The following PCDH15 variants were observed in gnomAD, a reference collection of about 807,000 sequenced individuals.
PCDH15 encodes the protein protocadherin-15.
In PCDH15, 129 loss-of-function variants were observed where a neutral mutation model predicts 178.5. The ratio of observed to expected loss-of-function variants is 0.72; its 90% CI spans 0.63 to 0.84. PCDH15 has a LOEUF of 0.84. Ranked by LOEUF, PCDH15 falls within the 40% of genes least tolerant of loss-of-function variation. PCDH15 has a pLI of 0.00. For synonymous variants in PCDH15, 800 were observed against 732.0 expected (o/e 1.09, Z -1.50); for missense variants, 2,230 against 2,099.9 (o/e 1.06, Z -1.21).
chr10:55,044,598 G>A (rs1425507295), intron 2 of PCDH15, among the ~76,000 whole-genome samples: 16 of 151,858 alleles, frequency 1.1e-4, no homozygotes, highest in South Asian at 2.1e-4. Flanking sequence ...TAAAAGGTTC[G>A]GTTCCCATGA....
At chr10:55,622,907 T>C (rs1837436738) in intron 2 of PCDH15, among the ~76,000 whole-genome samples, 1 of 152,154 alleles carries the variant, frequency 6.6e-6, no homozygotes, top group South Asian at 2.1e-4. Context: ...AGCTGTCTTC[T>C]AGTCTAATCC....
intron 2 of PCDH15, among the ~76,000 whole-genome samples, chr10:55,536,213 T>A (rs1296307712): frequency 2.0e-5 from 3 of 152,122 alleles, no homozygotes; most frequent in African/African-American, 7.2e-5. Context: ...AACTGATATG[T>A]GCCACTAATC....
chr10:54,075,231 G>T (rs963586045), intron 17 of PCDH15, among the ~76,000 whole-genome samples: 1 of 151,936 alleles, frequency 6.6e-6, no homozygotes, highest in Non-Finnish European at 1.5e-5. Flanking sequence ...CAAAAAAATA[G>T]CCAGGCATGG....
At chr10:54,108,319 A>C (rs2094953940) in intron 15 of PCDH15, among the ~76,000 whole-genome samples, 1 of 152,102 alleles carries the variant, frequency 6.6e-6, no homozygotes, top group Non-Finnish European at 1.5e-5. Context: ...GGATCTGTGC[A>C]CTTGAGAGAG....
At chr10:54,434,241 C>A (rs1417717186) in intron 3 of PCDH15, among the ~76,000 whole-genome samples, 1 of 126,018 alleles carries the variant, frequency 7.9e-6, no homozygotes, top group Non-Finnish European at 1.9e-5. Context: ...AGATTAATTA[C>A]TGAAGAAAAA....
At chr10:54,738,092 A>G (rs1290460386) in intron 1 of PCDH15, among the ~76,000 whole-genome samples, 1 of 152,092 alleles carries the variant, frequency 6.6e-6, no homozygotes, top group Non-Finnish European at 1.5e-5. Flanking sequence ...CTTGAGCCAC[A>G]TGATAGAAGT....
intron 15 of PCDH15, among the ~76,000 whole-genome samples, chr10:54,111,016 T>A (rs1482478327): frequency 6.6e-6 from 1 of 152,188 alleles, no homozygotes; most frequent in African/African-American, 2.4e-5. Context: ...GCAGGATCAG[T>A]TGAGTCTCCC....
chr10:54,496,741 A>T (rs1589717427), intron 3 of PCDH15, among the ~76,000 whole-genome samples: 1 of 152,232 alleles, frequency 6.6e-6, no homozygotes, highest in African/African-American at 2.4e-5. Flanking sequence ...GCCTCTCAAT[A>T]CTTCCCTTAT....
chr10:54,337,934 A>C (rs1941506214), intron 6 of PCDH15, among the ~76,000 whole-genome samples: 1 of 152,214 alleles, frequency 6.6e-6, no homozygotes, highest in Non-Finnish European at 1.5e-5. Flanking sequence ...CTGTATATCC[A>C]TGGTTTGAAA....
chr10:55,604,321 C>T (rs1163039468), intron 2 of PCDH15, among the ~76,000 whole-genome samples: 1 of 138,578 alleles, frequency 7.2e-6, no homozygotes, highest in African/African-American at 2.7e-5. Flanking sequence ...CCACTGTCAA[C>T]ATTAGACAGA....
chr10:54,521,816 G>A (rs1005683004), intron 3 of PCDH15, among the ~76,000 whole-genome samples: 7 of 152,008 alleles, frequency 4.6e-5, no homozygotes, highest in African/African-American at 9.7e-5. Context: ...TTGGCCGGGC[G>A]TGGTGGCTCA....
At chr10:54,406,204 C>G (rs1373100898) in intron 3 of PCDH15, among the ~76,000 whole-genome samples, 3 of 151,752 alleles carry the variant, frequency 2.0e-5, no homozygotes, top group African/African-American at 7.3e-5. Flanking sequence ...TTTCAGTATT[C>G]GTGAGCTATG....
Position 54,139,659 on chromosome 10 carries a change from AAAG to A in PCDH15, c.1785-6655_1785-6653del, listed in dbSNP as rs199901521. Among the ~76,000 whole-genome samples the A allele has an allele frequency of 5.8e-3, 888 of 152,270 alleles. 8 individuals carry two copies. Among genetic ancestry groups the A allele is most frequent in the African/African-American group, 0.02 (840 of 41,568 alleles). On this transcript the variant is annotated intron_variant, in intron 14 of 37. Transcript: ENST00000644397. ...AAAATTTAAGGCTACTAAGAATTCT[AAAG>A]AAGATGTGTTTTTATTGAGAAAACG... is the stretch of plus-strand genomic sequence containing the variant.
chr10:55,237,727 T>A (rs944484219), intron 1 of PCDH15, among the ~76,000 whole-genome samples: 2 of 152,126 alleles, frequency 1.3e-5, no homozygotes, highest in African/African-American at 2.4e-5. Flanking sequence ...CTTATTTTTT[T>A]CCTCTGAAAT....
intron 3 of PCDH15, among the ~76,000 whole-genome samples, chr10:54,380,640 C>CATGTATATATAT (rs1270867254): frequency 0.014 from 104 of 7,666 alleles, 9 homozygotes; most frequent in African/African-American, 0.044. Flanking sequence ...TGTGTGTATG[C>CATGTATATATAT]ATGTATATAT....
At chr10:54,447,052 T>C (rs529441298) in intron 3 of PCDH15, among the ~76,000 whole-genome samples, 1 of 151,566 alleles carries the variant, frequency 6.6e-6, no homozygotes, top group Admixed American at 6.6e-5. Flanking sequence ...CCTCTCTGCT[T>C]TCTCTTATTG....
intron 2 of PCDH15, among the ~76,000 whole-genome samples, chr10:54,574,685 CT>C (rs1017211477): frequency 1.5e-4 from 23 of 149,718 alleles, no homozygotes; most frequent in Non-Finnish European, 2.7e-4. Flanking sequence ...AATAGGAACA[CT>C]TTTACACTGT....
At position 54,527,837 on chromosome 10, in the gene PCDH15, A is replaced by T. The variant is rs763245210; in HGVS notation, c.132T>A (p.Val44=). The change falls in exon 3 of 38, where the codon GTT becomes GTA. Residue 44 remains valine, a synonymous_variant. Coordinates refer to ENST00000644397, the MANE Select transcript of PCDH15 (RefSeq NM_001384140.1). ...CATTCCGACTTTCTTCATCAATAGC[A>T]ACTATGGTAGCTGGTGGTCCTCCCC... The part of the protein sequence containing the change: ...LARGGPPATI[V]AIDEESRNGT... The T allele has an allele frequency of 2.5e-6, 4 of 1,611,814 alleles. No homozygotes were observed. Among genetic ancestry groups the T allele is most frequent in the Non-Finnish European group, 3.4e-6 (4 of 1,178,388 alleles).
intron 1 of PCDH15, among the ~76,000 whole-genome samples, chr10:55,221,184 T>C (rs2132184080): frequency 6.6e-6 from 1 of 152,062 alleles, no homozygotes; most frequent in South Asian, 2.1e-4. Context: ...GCACAATACA[T>C]AGTGTGTGTC....
Sources: allele counts gnomAD v4.1 joint callset (sites outside exome capture counted in the v4.1 genomes callset), GRCh38; gene constraint gnomAD v4.1.1; transcripts MANE v1.5; gene names NCBI Gene and HGNC (gene_info 2026-07-23, HGNC 2026-07-21).